The following CSMD1 variants were observed in gnomAD, a reference collection of about 807,000 sequenced individuals.
The protein encoded by CSMD1 is CUB and Sushi multiple domains 1, also known as CUB and sushi domain-containing protein 1.
A neutral mutation model predicts 417.5 loss-of-function variants in CSMD1; 213 were observed. That is an observed-to-expected ratio of 0.51 (90% CI 0.46 to 0.57). The LOEUF is 0.57. Ranked by LOEUF, CSMD1 falls within the 20% of genes least tolerant of loss-of-function variation. CSMD1 has a pLI of 0.00. For synonymous variants in CSMD1, 2,862 were observed against 1,736.8 expected (o/e 1.65, Z -16.11); for missense variants, 6,923 against 4,529.7 (o/e 1.53, Z -15.17).
At chr8:3,902,310 A>G (rs1405677799) in intron 5 of CSMD1, among the ~76,000 whole-genome samples, 1 of 152,114 alleles carries the variant, frequency 6.6e-6, no homozygotes, top group African/African-American at 2.4e-5. Flanking sequence ...TGTTACTCCA[A>G]CTATTACCCA....
At chr8:4,752,393 C>T (rs530638908) in intron 1 of CSMD1, among the ~76,000 whole-genome samples, 1 of 152,254 alleles carries the variant, frequency 6.6e-6, no homozygotes, top group African/African-American at 2.4e-5. Flanking sequence ...CTCTGAATTT[C>T]TGTAAGGTCA....
At chr8:4,119,476 T>A (rs1019946223) in intron 3 of CSMD1, among the ~76,000 whole-genome samples, 5 of 152,178 alleles carry the variant, frequency 3.3e-5, no homozygotes, top group Admixed American at 2.0e-4. Context: ...GAAAACCCAT[T>A]GGTTAAACTC....
At chr8:3,581,226 T>G (rs1299234497) in intron 9 of CSMD1, among the ~76,000 whole-genome samples, 5 of 152,236 alleles carry the variant, frequency 3.3e-5, no homozygotes, top group African/African-American at 1.2e-4. Flanking sequence ...CTTTGTTTGC[T>G]TATTTTAAAA....
chr8:3,549,468 G>C (rs904912031), intron 10 of CSMD1, among the ~76,000 whole-genome samples: 1 of 152,134 alleles, frequency 6.6e-6, no homozygotes, highest in Admixed American at 6.5e-5. Flanking sequence ...CCCTCATGTC[G>C]CAGCAGTGAG....
rs187238774 is a variant in CSMD1 at position 4,195,384 on chromosome 8, T to G, written c.416-163285A>C. Among the ~76,000 whole-genome samples, 319 of 152,280 alleles carry G rather than the reference T, an allele frequency of 2.1e-3. 1 individual carries two copies. The highest frequency in any genetic ancestry group is 3.6e-3 in the Non-Finnish European group (242 of 68,024). On this transcript the variant is annotated intron_variant, in intron 3 of 69. Transcript: ENST00000635120. ...AAATTGGATCTTCTATAACATTTTT[T>G]AAAATTATAAAATCTGTTTGACCCA...
At chr8:4,886,325 C>A (rs891193604) in intron 1 of CSMD1, among the ~76,000 whole-genome samples, 5 of 151,794 alleles carry the variant, frequency 3.3e-5, no homozygotes, top group Non-Finnish European at 5.9e-5. Context: ...TGTTCCAGCA[C>A]TATATATATT....
chr8:3,282,539 A>G (rs916644031), intron 26 of CSMD1, among the ~76,000 whole-genome samples: 1 of 67,516 alleles, frequency 1.5e-5, no homozygotes, highest in Admixed American at 2.1e-4. Flanking sequence ...AGAAAATTTT[A>G]TATCACAACA....
chr8:2,975,689 T>A (rs763702210), intron 55 of CSMD1, among the ~76,000 whole-genome samples: 2 of 152,170 alleles, frequency 1.3e-5, no homozygotes, highest in Non-Finnish European at 2.9e-5. Context: ...AAAATTTATA[T>A]CTTATTTAAA....
intron 2 of CSMD1, among the ~76,000 whole-genome samples, chr8:4,466,237 C>T (rs527427932): frequency 6.6e-5 from 10 of 152,138 alleles, no homozygotes; most frequent in Admixed American, 2.0e-4. Flanking sequence ...TCCTGGCTAT[C>T]CTTCCCAGAT....
intron 1 of CSMD1, among the ~76,000 whole-genome samples, chr8:4,947,478 A>C (rs1808447615): frequency 6.6e-6 from 1 of 152,146 alleles, no homozygotes; most frequent in Admixed American, 6.5e-5. Flanking sequence ...CAGATCATCA[A>C]CAATGAGAAA....
chr8:4,365,925 T>C (rs1802043447), intron 3 of CSMD1, among the ~76,000 whole-genome samples: 1 of 152,224 alleles, frequency 6.6e-6, no homozygotes, highest in Admixed American at 6.5e-5. Flanking sequence ...ATTATTTTTT[T>C]CTTTTTTGAA....
intron 5 of CSMD1, among the ~76,000 whole-genome samples, chr8:3,971,883 GATTT>G (rs771193027): frequency 6.6e-5 from 10 of 152,148 alleles, no homozygotes; most frequent in Middle Eastern, 3.4e-3. Context: ...TTTCTTTGTT[GATTT>G]TTTTGTTGAC....
chr8:4,398,561 A>T (rs1033716718), intron 3 of CSMD1, among the ~76,000 whole-genome samples: 3 of 150,958 alleles, frequency 2.0e-5, no homozygotes, highest in Admixed American at 6.6e-5. Context: ...GCCCGGCCAA[A>T]TTTTTTTGTA....
intron 3 of CSMD1, among the ~76,000 whole-genome samples, chr8:4,111,690 G>A (rs576859147): frequency 3.9e-5 from 6 of 152,166 alleles, no homozygotes; most frequent in African/African-American, 9.7e-5. Context: ...AACACCACAT[G>A]TTCTCACTTA....
At chr8:3,598,031 C>T (rs897959350) in intron 8 of CSMD1, among the ~76,000 whole-genome samples, 4 of 152,204 alleles carry the variant, frequency 2.6e-5, no homozygotes, top group African/African-American at 9.6e-5. Flanking sequence ...ATTTGCCCTA[C>T]TTCAGCCCAA....
At chr8:2,991,338 A>G (rs1364298770) in intron 54 of CSMD1, among the ~76,000 whole-genome samples, 2 of 152,236 alleles carry the variant, frequency 1.3e-5, no homozygotes, top group African/African-American at 4.8e-5. Context: ...AACACACTAA[A>G]TATACATCTA....
chr8:4,697,954 T>G (rs1001501947), intron 1 of CSMD1, among the ~76,000 whole-genome samples: 1 of 152,116 alleles, frequency 6.6e-6, no homozygotes, highest in Non-Finnish European at 1.5e-5. Flanking sequence ...TCAAGACAAA[T>G]AGTGATGCTT....
intron 5 of CSMD1, among the ~76,000 whole-genome samples, chr8:3,889,522 C>T (rs3102408): frequency 0.048 from 3,562 of 74,052 alleles, 243 homozygotes; most frequent in African/African-American, 0.14. Flanking sequence ...ATGATATATA[C>T]ATATATATAC....
Position 3,687,022 on chromosome 8 carries a change from G to C in CSMD1, c.1009+21392C>G, listed in dbSNP as rs370914198. Reference sequence around the variant, plus strand: ...CAGGAGAGATGTGACTGGTCAAGTAGGGGTGGATGGCAGATGTAAAAAAAT... The same window carrying C: ...CAGGAGAGATGTGACTGGTCAAGTACGGGTGGATGGCAGATGTAAAAAAAT... On this transcript the variant is annotated intron_variant, in intron 7 of 69. Coordinates refer to ENST00000635120, the MANE Select transcript of CSMD1 (RefSeq NM_033225.6). 9.8e-5 allele frequency among the ~76,000 whole-genome samples: 15 copies of C among 152,308 alleles called. No individual in the cohort carries two copies. The South Asian group carries it at 1.5e-3, about 15-fold the overall frequency.
Sources: gnomAD v4.1 joint callset for allele counts (sites outside exome capture counted in the v4.1 genomes callset) on GRCh38, gnomAD v4.1.1 for gene constraint, MANE v1.5 for transcripts, NCBI Gene and HGNC (gene_info 2026-07-23, HGNC 2026-07-21) for gene names.